CSMD1: variants seen among roughly 807,000 people sequenced by gnomAD.
CSMD1 encodes CUB and sushi domain-containing protein 1.
Under a neutral mutation model 417.5 loss-of-function variants are expected in CSMD1, and 213 were observed. The observed-to-expected ratio is 0.51, with a 90% CI of 0.46 to 0.57. The LOEUF (loss-of-function observed/expected upper bound fraction) is 0.57, where lower values mean the gene tolerates loss of function less well. Among genes scored for constraint, CSMD1 ranks in the 20% least tolerant of loss-of-function variants. The probability of loss-of-function intolerance (pLI) is 0.00; values close to 1 mark genes in which losing one functional copy is unlikely to be tolerated. For missense variants in CSMD1, 6,923 were observed against 4,529.7 expected (o/e 1.53, Z -15.17); for synonymous variants, 2,862 against 1,736.8 (o/e 1.65, Z -16.11).
chr8:3,376,930 T>G (rs769546261), intron 18 of CSMD1, among the ~76,000 whole-genome samples: 10 of 152,172 alleles, frequency 6.6e-5, no homozygotes, highest in African/African-American at 1.9e-4. Flanking sequence ...AGCCTTATGG[T>G]TGGATGAAAA....
At chr8:4,985,488 A>C (rs1309916882) in intron 1 of CSMD1, among the ~76,000 whole-genome samples, 1 of 152,220 alleles carries the variant, frequency 6.6e-6, no homozygotes, top group African/African-American at 2.4e-5. Context: ...GAGCAAAATT[A>C]TGAGTATAAT....
chr8:4,727,991 A>C (rs1297168693), intron 1 of CSMD1, among the ~76,000 whole-genome samples: 2 of 145,814 alleles, frequency 1.4e-5, no homozygotes, highest in Non-Finnish European at 3.0e-5. Context: ...ATATATACAA[A>C]ATATATATTT....
intron 2 of CSMD1, among the ~76,000 whole-genome samples, chr8:4,489,946 G>A (rs557868800): frequency 7.2e-5 from 11 of 152,010 alleles, no homozygotes; most frequent in Middle Eastern, 3.4e-3. Context: ...GTCTGTGATC[G>A]TCATTAAGTA....
chr8:3,535,376 G>C (rs1393066765), intron 10 of CSMD1, among the ~76,000 whole-genome samples: 2 of 152,142 alleles, frequency 1.3e-5, no homozygotes, highest in African/African-American at 4.8e-5. Flanking sequence ...GGACAGAAAT[G>C]GAAATAAAAG....
intron 3 of CSMD1, among the ~76,000 whole-genome samples, chr8:4,151,710 C>A (rs987596094): frequency 6.6e-6 from 1 of 151,952 alleles, no homozygotes; most frequent in African/African-American, 2.4e-5. Context: ...CAAGCTCACA[C>A]AGATAAATTA....
At chr8:4,941,309 T>G (rs1807983033) in intron 1 of CSMD1, among the ~76,000 whole-genome samples, 1 of 152,100 alleles carries the variant, frequency 6.6e-6, no homozygotes, top group African/African-American at 2.4e-5. Flanking sequence ...ATATACTTTG[T>G]TTTTGTAAAG....
At chr8:3,475,934 T>C (rs1049235357) in intron 11 of CSMD1, among the ~76,000 whole-genome samples, 1 of 152,232 alleles carries the variant, frequency 6.6e-6, no homozygotes, top group African/African-American at 2.4e-5. Context: ...AACTTTATGA[T>C]GTTTTGGTTA....
At chr8:4,783,349 C>T (rs909796616) in intron 1 of CSMD1, among the ~76,000 whole-genome samples, 1 of 152,142 alleles carries the variant, frequency 6.6e-6, no homozygotes, top group African/African-American at 2.4e-5. Flanking sequence ...GCCACAGCCT[C>T]CTAATCAGAG....
At chr8:3,503,226 G>C (rs930110960) in intron 10 of CSMD1, among the ~76,000 whole-genome samples, 2 of 152,166 alleles carry the variant, frequency 1.3e-5, no homozygotes, top group African/African-American at 2.4e-5. Context: ...AGAAAAATAT[G>C]TCATTAATTC....
At chr8:4,126,102 C>G (rs144927632) in intron 3 of CSMD1, among the ~76,000 whole-genome samples, 1 of 152,080 alleles carries the variant, frequency 6.6e-6, no homozygotes, top group African/African-American at 2.4e-5. Flanking sequence ...GCAAGAAAAA[C>G]TCACTTTGAC....
intron 68 of CSMD1, among the ~76,000 whole-genome samples, chr8:2,943,764 G>C (rs945722548): frequency 2.0e-5 from 3 of 152,188 alleles, no homozygotes; most frequent in African/African-American, 4.8e-5. Flanking sequence ...TAATTGCATG[G>C]AGTCACTTAA....
intron 3 of CSMD1, among the ~76,000 whole-genome samples, chr8:4,408,493 CTTCT>C (rs1796466353): frequency 6.6e-6 from 1 of 152,198 alleles, no homozygotes; most frequent in African/African-American, 2.4e-5. Context: ...CTTAATTTTA[CTTCT>C]TTATCTCAAG....
At chr8:3,261,612 G>A (rs1390755076) in intron 26 of CSMD1, among the ~76,000 whole-genome samples, 1 of 152,152 alleles carries the variant, frequency 6.6e-6, no homozygotes, top group Non-Finnish European at 1.5e-5. Context: ...TCCTTCGGCG[G>A]TGAGTGATTA....
chr8:3,787,772 C>T (rs370652037), intron 5 of CSMD1, among the ~76,000 whole-genome samples: 1 of 152,172 alleles, frequency 6.6e-6, no homozygotes, highest in South Asian at 2.1e-4. Context: ...TGTTATAATA[C>T]AAGCTAGGAA....
chr8:4,720,978 G>C lies in CSMD1; in HGVS notation c.86-83420C>G, dbSNP rs574624730. On this transcript the variant is annotated intron_variant, in intron 1 of 69. Transcript: ENST00000635120. ...GCTTGCCCTGCCTACTTCACCGGAAGACAATTTTTATTTGAATGGAATTTA... is the reference window on the plus strand; with the variant it reads ...GCTTGCCCTGCCTACTTCACCGGAACACAATTTTTATTTGAATGGAATTTA... 3.9e-5 allele frequency among the ~76,000 whole-genome samples: 6 copies of C among 152,206 alleles called. No individual in the cohort carries two copies. In the East Asian group the frequency reaches 9.7e-4, roughly 25 times the overall value.
At chr8:4,124,605 C>A (rs932520632) in intron 3 of CSMD1, among the ~76,000 whole-genome samples, 4 of 152,136 alleles carry the variant, frequency 2.6e-5, no homozygotes, top group African/African-American at 9.7e-5. Flanking sequence ...GTGCCTGGCA[C>A]CAGCACGCAC....
At chr8:3,685,525 G>A (rs1236585828) in intron 7 of CSMD1, among the ~76,000 whole-genome samples, 2 of 152,050 alleles carry the variant, frequency 1.3e-5, no homozygotes, top group African/African-American at 2.4e-5. Flanking sequence ...CTAAAATTAG[G>A]GGTTTATATA....
chr8:4,157,272 C>T (rs900001644), intron 3 of CSMD1, among the ~76,000 whole-genome samples: 1 of 152,164 alleles, frequency 6.6e-6, no homozygotes, highest in Non-Finnish European at 1.5e-5. Flanking sequence ...CTGTCTGTGA[C>T]TAGTTTAGTG....
intron 3 of CSMD1, among the ~76,000 whole-genome samples, chr8:4,290,291 G>A (rs1293056853): frequency 6.6e-6 from 1 of 152,062 alleles, no homozygotes; most frequent in Non-Finnish European, 1.5e-5. Flanking sequence ...TTTCACATAT[G>A]TCTACAGATG....
Sources: allele counts gnomAD v4.1 joint callset (sites outside exome capture counted in the v4.1 genomes callset), GRCh38; gene constraint gnomAD v4.1.1; transcripts MANE v1.5; gene names NCBI Gene and HGNC (gene_info 2026-07-23, HGNC 2026-07-21).